MGAT4C: variants seen among roughly 807,000 people sequenced by gnomAD.
MGAT4C encodes alpha-1,3-mannosyl-glycoprotein 4-beta-N-acetylglucosaminyltransferase C.
MGAT4C carries 19 observed loss-of-function variants against 40.1 expected under a neutral mutation model. The observed-to-expected ratio is 0.47, with a 90% CI of 0.33 to 0.70. MGAT4C has a LOEUF of 0.70. Ranked by LOEUF, MGAT4C falls within the 30% of genes least tolerant of loss-of-function variation. The pLI is 0.02. For synonymous variants in MGAT4C, 181 were observed against 187.1 expected (o/e 0.97, Z 0.27); for missense variants, 491 against 563.2 (o/e 0.87, Z 1.30).
chr12:86,829,906 C>T (rs926049604), intron 1 of MGAT4C, among the ~76,000 whole-genome samples: 4 of 149,754 alleles, frequency 2.7e-5, no homozygotes, highest in Non-Finnish European at 5.9e-5. Context: ...AATTACAAGG[C>T]ATGTTTACAT....
rs144418153 is a variant in MGAT4C, at chr12:86,151,763, G to A, written c.-56-102040C>T. Among the ~76,000 whole-genome samples the A allele has an allele frequency of 4.2e-4, 64 of 152,300 alleles. 1 individual carries two copies. In the East Asian group the frequency reaches 0.012, roughly 28 times the overall value. Reference sequence around the variant, plus strand: ...CTGAACAATTTCAGTAATCCAGGTGGCTCTTTCAAAATTGAGCATGGCTCA... The same window carrying A: ...CTGAACAATTTCAGTAATCCAGGTGACTCTTTCAAAATTGAGCATGGCTCA... On this transcript the variant is annotated intron_variant, in intron 1 of 4. Coordinates refer to ENST00000611864, the MANE Select transcript of MGAT4C (RefSeq NM_001351288.2).
intron 1 of MGAT4C, among the ~76,000 whole-genome samples, chr12:86,790,973 T>A (rs2136192779): frequency 6.6e-6 from 1 of 152,224 alleles, no homozygotes; most frequent in Admixed American, 6.5e-5. Flanking sequence ...GGCAACAGCA[T>A]CACTGGGTTA....
chr12:86,784,555 T>TAGATGAGTGAAGTTAAA (rs1282196709), intron 1 of MGAT4C, among the ~76,000 whole-genome samples: 1 of 151,932 alleles, frequency 6.6e-6, no homozygotes, highest in Non-Finnish European at 1.5e-5. Context: ...TAACGCTAAT[T>TAGATGAGTGAAGTTAAA]ACCTCTCTTA....
rs1951171142 is a variant in MGAT4C, at chr12:86,747,633, A to G, written c.-261-20392T>C. ...TCTTTTTCAGAGCAAATTTCACTATAGTTTTCTCTTAGTTAATATAATTGA... is the reference window on the plus strand; with the variant it reads ...TCTTTTTCAGAGCAAATTTCACTATGGTTTTCTCTTAGTTAATATAATTGA... On this transcript the variant is annotated intron_variant, in intron 1 of 7. Transcript: ENST00000548651. Among the ~76,000 whole-genome samples the G allele has an allele frequency of 2.0e-5, 3 of 151,642 alleles. 1 individual carries two copies. The South Asian group carries it at 6.2e-4, about 31-fold the overall frequency.
At chr12:86,755,934 C>T (rs1235759134) in intron 1 of MGAT4C, among the ~76,000 whole-genome samples, 3 of 151,972 alleles carry the variant, frequency 2.0e-5, no homozygotes, top group Non-Finnish European at 2.9e-5. Flanking sequence ...AGATGTGAGT[C>T]ACCACACCAG....
intron 2 of MGAT4C, among the ~76,000 whole-genome samples, chr12:86,703,177 A>G (rs1227944213): frequency 6.6e-6 from 1 of 152,294 alleles, no homozygotes; most frequent in Non-Finnish European, 1.5e-5. Context: ...GGATGAACAA[A>G]GAAAGTGCTT....
At chr12:86,250,520 G>A (rs1952232082) in intron 1 of MGAT4C, among the ~76,000 whole-genome samples, 1 of 150,894 alleles carries the variant, frequency 6.6e-6, no homozygotes, top group Non-Finnish European at 1.5e-5. Context: ...AGCAGAGACT[G>A]TTGGTCTCTA....
At chr12:86,611,206 T>C (rs539046356) in intron 2 of MGAT4C, among the ~76,000 whole-genome samples, 1 of 152,146 alleles carries the variant, frequency 6.6e-6, no homozygotes, top group African/African-American at 2.4e-5. Context: ...AGGATAGAAA[T>C]GGTGTTAATT....
chr12:86,386,928 T>C (rs1956063352), intron 3 of MGAT4C, among the ~76,000 whole-genome samples: 1 of 152,190 alleles, frequency 6.6e-6, no homozygotes, highest in Non-Finnish European at 1.5e-5. Flanking sequence ...TAATAACACA[T>C]ATCACTTTAA....
chr12:86,165,753 C>A (rs1886122071), intron 1 of MGAT4C, among the ~76,000 whole-genome samples: 1 of 152,098 alleles, frequency 6.6e-6, no homozygotes, highest in African/African-American at 2.4e-5. Flanking sequence ...ATTTCTCAAA[C>A]TTATTTTGAC....
intron 2 of MGAT4C, among the ~76,000 whole-genome samples, chr12:86,696,752 GGT>G (rs879811590): frequency 1.1e-4 from 17 of 151,910 alleles, no homozygotes; most frequent in Non-Finnish European, 1.8e-4. Flanking sequence ...AAATAACACT[GGT>G]CATGTGGCAT....
chr12:86,001,691 G>C, intron 2 of MGAT4C: 1 of 930,328 alleles, frequency 1.1e-6, no homozygotes. Flanking sequence ...TCTCTGTTAG[G>C]AAGGTACTGG....
chr12:86,245,559 T>G (rs1951990836), intron 1 of MGAT4C, among the ~76,000 whole-genome samples: 1 of 152,196 alleles, frequency 6.6e-6, no homozygotes, highest in Non-Finnish European at 1.5e-5. Context: ...GATTTCTGAG[T>G]GAGTATCTTT....
At chr12:86,446,838 A>T (rs932461402) in intron 2 of MGAT4C, among the ~76,000 whole-genome samples, 3 of 150,962 alleles carry the variant, frequency 2.0e-5, no homozygotes, top group Non-Finnish European at 3.0e-5. Context: ...GGAGATGGTA[A>T]TACTAACCCT....
At chr12:86,191,751 GGT>G (rs570173863) in intron 1 of MGAT4C, among the ~76,000 whole-genome samples, 159 of 98,558 alleles carry the variant, frequency 1.6e-3, no homozygotes, top group Middle Eastern at 0.013. Flanking sequence ...AGGAGATAAA[GGT>G]GTGTGTGTGT....
chr12:86,470,314 T>A (rs1957740464), intron 2 of MGAT4C, among the ~76,000 whole-genome samples: 1 of 152,162 alleles, frequency 6.6e-6, no homozygotes, highest in Admixed American at 6.6e-5. Context: ...CCTTTGGTTC[T>A]CTCTCTTCCC....
At chr12:86,437,575 T>C (rs554199866) in intron 2 of MGAT4C, among the ~76,000 whole-genome samples, 45 of 152,090 alleles carry the variant, frequency 3.0e-4, no homozygotes, top group African/African-American at 1.1e-3. Flanking sequence ...CATTGTTTTA[T>C]TGCAATTTGC....
chr12:86,770,452 A>G (rs2136167522), intron 1 of MGAT4C, among the ~76,000 whole-genome samples: 1 of 152,258 alleles, frequency 6.6e-6, no homozygotes, highest in African/African-American at 2.4e-5. Context: ...TTCAAGAAAC[A>G]TTATATAATG....
chr12:86,111,258 G>C (rs1039862516), intron 1 of MGAT4C, among the ~76,000 whole-genome samples: 1 of 151,698 alleles, frequency 6.6e-6, no homozygotes, highest in Non-Finnish European at 1.5e-5. Context: ...AAGAAAATGA[G>C]GATGGGAATT....
Sources: allele counts gnomAD v4.1 joint callset (sites outside exome capture counted in the v4.1 genomes callset), GRCh38; gene constraint gnomAD v4.1.1; transcripts MANE v1.5; gene names NCBI Gene and HGNC (gene_info 2026-07-23, HGNC 2026-07-21).